The following KCNQ1 variants were observed in gnomAD, a reference collection of about 807,000 sequenced individuals.
KCNQ1 encodes the protein potassium voltage-gated channel subfamily Q member 1, also known as potassium voltage-gated channel subfamily KQT member 1.
A neutral mutation model predicts 72.4 loss-of-function variants in KCNQ1; 49 were observed. The observed-to-expected ratio is 0.68, with a 90% CI of 0.54 to 0.86. The LOEUF is 0.86. Among genes scored for constraint, KCNQ1 ranks in the 40% least tolerant of loss-of-function variants. The probability of loss-of-function intolerance (pLI) is 0.00; values close to 1 mark genes in which losing one functional copy is unlikely to be tolerated. For synonymous variants in KCNQ1, 450 were observed against 412.6 expected (o/e 1.09, Z -1.10); for missense variants, 790 against 945.1 (o/e 0.84, Z 2.15).
intron 12 of KCNQ1, among the ~76,000 whole-genome samples, chr11:2,773,411 T>A (rs1418862340): frequency 2.0e-5 from 3 of 149,684 alleles, no homozygotes; most frequent in African/African-American, 7.4e-5. Flanking sequence ...GAAAGGAGGA[T>A]CAAGGCTCGG....
intron 11 of KCNQ1, among the ~76,000 whole-genome samples, chr11:2,717,986 C>A (rs538754564): frequency 6.6e-6 from 1 of 152,218 alleles, no homozygotes; most frequent in Non-Finnish European, 1.5e-5. Flanking sequence ...CTGAAGGCTG[C>A]GAAAGCTGCG....
chr11:2,603,519 A>G lies in KCNQ1; in HGVS notation c.1393+14665A>G, dbSNP rs1848836221. Reference sequence around the variant, plus strand: ...AAAAGAAACCCAGTGCCTTTTAAATATCACCCCCAAACCCACTATTCCATC... The same window carrying G: ...AAAAGAAACCCAGTGCCTTTTAAATGTCACCCCCAAACCCACTATTCCATC... On this transcript the variant is annotated intron_variant, in intron 10 of 15. Coordinates refer to ENST00000155840, the MANE Select transcript of KCNQ1 (RefSeq NM_000218.3). The surrounding 1 kb of genome is among the most constrained non-coding windows in gnomAD (Gnocchi z 4.1). Among the ~76,000 whole-genome samples the G allele has an allele frequency of 6.6e-6, 1 of 152,144 alleles. No homozygotes were observed. Among genetic ancestry groups the G allele is most frequent in the Non-Finnish European group, 1.5e-5 (1 of 68,022 alleles).
At chr11:2,467,777 T>C (rs1846372930) in intron 1 of KCNQ1, among the ~76,000 whole-genome samples, 1 of 152,150 alleles carries the variant, frequency 6.6e-6, no homozygotes, top group Admixed American at 6.5e-5. Context: ...ACCCCTTTGC[T>C]CCCCTGATCC....
At chr11:2,573,248 G>C (rs560821164) in intron 6 of KCNQ1, among the ~76,000 whole-genome samples, 1 of 152,310 alleles carries the variant, frequency 6.6e-6, no homozygotes, top group South Asian at 2.1e-4. Flanking sequence ...AATCGGAGGG[G>C]TCACTGGAGC....
Position 2,695,846 on chromosome 11 carries a change from G to C in KCNQ1, c.1514+33765G>C. ...ATTTCTCTGATAACTGATTAGCTTGGGCAAATTTTCATCTGTTTGTTAACC... is the reference window on the plus strand; with the variant it reads ...ATTTCTCTGATAACTGATTAGCTTGCGCAAATTTTCATCTGTTTGTTAACC... On this transcript the variant is annotated intron_variant, in intron 11 of 15. Transcript: ENST00000155840. This position sits in a 1 kb window ranked among gnomAD's most constrained non-coding sequence, Gnocchi z 5.2. 2.5e-6 allele frequency: 1 copy of C among 398,486 alleles called. No homozygotes were observed. The highest frequency in any genetic ancestry group is 4.4e-6 in the Non-Finnish European group (1 of 226,026). 24.7% of individuals were successfully genotyped at this position (398,486 alleles called of 1,614,324 possible).
At chr11:2,630,518 C>T (rs1354218394) in intron 10 of KCNQ1, 1 of 398,144 alleles carries the variant, frequency 2.5e-6, no homozygotes, top group Non-Finnish European at 4.4e-6. Flanking sequence ...CCCCAAGGTA[C>T]ACCTTTTAAT....
chr11:2,654,389 G>A lies in KCNQ1; in HGVS notation c.1394-7572G>A, dbSNP rs1487482307. 1.3e-5 allele frequency: 5 copies of A among 398,478 alleles called. No homozygotes were observed. Among genetic ancestry groups the A allele is most frequent in the African/African-American group, 2.1e-5 (1 of 48,592 alleles). The allele number at this position is 398,478 out of a possible 1,614,324, so 24.7% of individuals were successfully genotyped here. ...TCCTTGTGAAGTAGGCTGGCTCAGG[G>A]AACTCGCCTGTGCCAAACCCTGGGG... On this transcript the variant is annotated intron_variant, in intron 10 of 15. Transcript: ENST00000155840. This position sits in a 1 kb window ranked among gnomAD's most constrained non-coding sequence, Gnocchi z 6.4.
rs894431551 is a variant in KCNQ1, at chr11:2,493,419, C to A, written c.387-34509C>A. Among the ~76,000 whole-genome samples, 1 of 152,098 alleles carries A rather than the reference C, an allele frequency of 6.6e-6. No individual in the cohort carries two copies. On this transcript the variant is annotated intron_variant, in intron 1 of 15. Coordinates refer to ENST00000155840, the MANE Select transcript of KCNQ1 (RefSeq NM_000218.3). This position sits in a 1 kb window ranked among gnomAD's most constrained non-coding sequence, Gnocchi z 5.3. ...CTCTTGGTGTTTTAGTCATGAAGTC[C>A]TTGCCCATGCCTATGTCCTGAATGG...
At chr11:2,445,515 G>A (rs748250447) in intron 1 of KCNQ1, 31 bp downstream of exon 1, 12 of 1,584,036 alleles carry the variant, frequency 7.6e-6, no homozygotes, top group Non-Finnish European at 1.7e-6. Flanking sequence ...CGGCCGGCAC[G>A]AAGGTGCTTC....
intron 10 of KCNQ1, chr11:2,609,908 T>C: frequency 2.5e-6 from 1 of 398,106 alleles, no homozygotes; most frequent in Non-Finnish European, 4.4e-6. Context: ...ATTTATCATC[T>C]AAAGTGTGCC....
At chr11:2,755,517 C>T (rs771457192) in intron 11 of KCNQ1, among the ~76,000 whole-genome samples, 6 of 152,240 alleles carry the variant, frequency 3.9e-5, no homozygotes, top group Non-Finnish European at 7.3e-5. Flanking sequence ...CCTTGGCCTT[C>T]CAAAGCACTG....
In KCNQ1 at chr11:2,543,797, G is replaced by A. The variant is rs1177931968; in HGVS notation, c.477+15779G>A. Among the ~76,000 whole-genome samples, 1 of 152,128 alleles carries A rather than the reference G, an allele frequency of 6.6e-6. No individual in the cohort carries two copies. Among genetic ancestry groups the A allele is most frequent in the Admixed American group, 6.5e-5 (1 of 15,278 alleles). ...CTCTATCATGTAAGACATAGGCGGAGATTCATGTGTTTTTTCTTATGGATG... is the reference window on the plus strand; with the variant it reads ...CTCTATCATGTAAGACATAGGCGGAAATTCATGTGTTTTTTCTTATGGATG... On this transcript the variant is annotated intron_variant, in intron 2 of 15. Transcript: ENST00000155840. The surrounding 1 kb of genome is among the most constrained non-coding windows in gnomAD (Gnocchi z 5.6).
At chr11:2,662,762 G>A (rs746809372) in intron 11 of KCNQ1, 34 of 399,174 alleles carry the variant, frequency 8.5e-5, no homozygotes, top group Middle Eastern at 6.2e-4. Context: ...CTGCTAACCC[G>A]TTGGGGATTC....
rs1262327928 is a variant in KCNQ1 at position 2,450,812 on chromosome 11, G to A, written c.386+5328G>A. On this transcript the variant is annotated intron_variant, in intron 1 of 15. Coordinates refer to ENST00000155840, the MANE Select transcript of KCNQ1 (RefSeq NM_000218.3). This position sits in a 1 kb window ranked among gnomAD's most constrained non-coding sequence, Gnocchi z 7.9. ...GATGCCGCGTGACCCTAGTCCAGGG[G>A]GCCGCTTTTACACGAGGCATCTGAC... Among the ~76,000 whole-genome samples, 1 of 152,178 alleles carries A rather than the reference G, an allele frequency of 6.6e-6. No individual in the cohort carries two copies. Among genetic ancestry groups the A allele is most frequent in the African/African-American group, 2.4e-5 (1 of 41,442 alleles).
chr11:2,696,581 G>C (rs1850680192), intron 11 of KCNQ1: 1 of 398,526 alleles, frequency 2.5e-6, no homozygotes, highest in Non-Finnish European at 4.4e-6. Flanking sequence ...GAATATGTTT[G>C]TTAAATTACT....
chr11:2,562,831 C>T lies in KCNQ1; in HGVS notation c.478-7797C>T, dbSNP rs1848194554. ...CCCTGGCCCCTTCCACAAAGCTCAG[C>T]TCTGATCCTTCGTATTTAATCTTCA... is the stretch of plus-strand genomic sequence containing the variant. On this transcript the variant is annotated intron_variant, in intron 2 of 15. Transcript: ENST00000155840. The surrounding 1 kb of genome is among the most constrained non-coding windows in gnomAD (Gnocchi z 7.5). Among the ~76,000 whole-genome samples, 1 of 152,194 alleles carries T rather than the reference C, an allele frequency of 6.6e-6. No individual in the cohort carries two copies. Among genetic ancestry groups the T allele is most frequent in the Non-Finnish European group, 1.5e-5 (1 of 68,042 alleles).
At position 2,498,731 on chromosome 11, in the gene KCNQ1, A is replaced by G. The variant is rs894817286; in HGVS notation, c.387-29197A>G. Among the ~76,000 whole-genome samples, 1 of 152,194 alleles carries G rather than the reference A, an allele frequency of 6.6e-6. No individual in the cohort carries two copies. The highest frequency in any genetic ancestry group is 1.5e-5 in the Non-Finnish European group (1 of 68,038). ...CTGGGGTTCCAGGCACCACTGGGGT[A>G]CAGAAAAAACTCCTGCAGCTAGTTC... On this transcript the variant is annotated intron_variant, in intron 1 of 15. Transcript: ENST00000155840. The surrounding 1 kb of genome is among the most constrained non-coding windows in gnomAD (Gnocchi z 4.8).
intron 2 of KCNQ1, among the ~76,000 whole-genome samples, chr11:2,532,723 C>T (rs1847662014): frequency 6.6e-6 from 1 of 152,122 alleles, no homozygotes; most frequent in African/African-American, 2.4e-5. Context: ...TCACAGCTTC[C>T]AGCGGACAGC....
chr11:2,663,676 C>G lies in KCNQ1; in HGVS notation c.1514+1595C>G. On this transcript the variant is annotated intron_variant, in intron 11 of 15. Coordinates refer to ENST00000155840, the MANE Select transcript of KCNQ1 (RefSeq NM_000218.3). The surrounding 1 kb of genome is among the most constrained non-coding windows in gnomAD (Gnocchi z 5.2). ...GAGAGGGCCATCACCCACAGTCCATCTAGCTGGGCAGCCAGGCCTTACCAA... is the reference window on the plus strand; with the variant it reads ...GAGAGGGCCATCACCCACAGTCCATGTAGCTGGGCAGCCAGGCCTTACCAA... The G allele has an allele frequency of 5.0e-6, 2 of 398,736 alleles. No individual in the cohort carries two copies. Among genetic ancestry groups the G allele is most frequent in the Non-Finnish European group, 8.8e-6 (2 of 226,128 alleles). The allele number at this position is 398,736 out of a possible 1,614,324, so 24.7% of individuals were successfully genotyped here.
Sources: allele counts gnomAD v4.1 joint callset (sites outside exome capture counted in the v4.1 genomes callset), GRCh38; gene constraint gnomAD v4.1.1; non-coding constraint Gnocchi (gnomAD v3.1); transcripts MANE v1.5; gene names NCBI Gene and HGNC (gene_info 2026-07-23, HGNC 2026-07-21).